Variants in COLEC12 observed in about 807,000 individuals in gnomAD.
COLEC12 encodes the protein collectin subfamily member 12.
Under a neutral mutation model 71.1 loss-of-function variants are expected in COLEC12, and 33 were observed. That is an observed-to-expected ratio of 0.46 (90% CI 0.35 to 0.62). The LOEUF (loss-of-function observed/expected upper bound fraction) is 0.62. Ranked by LOEUF, COLEC12 falls within the 20% of genes least tolerant of loss-of-function variation. COLEC12 has a pLI of 0.00. For missense variants in COLEC12, 765 were observed against 916.1 expected (o/e 0.84, Z 2.13); for synonymous variants, 350 against 353.0 (o/e 0.99, Z 0.10).
At chr18:419,201 CTATTCT>C (rs1379733621) in intron 2 of COLEC12, among the ~76,000 whole-genome samples, 3 of 129,444 alleles carry the variant, frequency 2.3e-5, no homozygotes, top group Non-Finnish European at 1.7e-5. Context: ...CTATTCTATT[CTATTCT>C]ATTCTAATTT....
At chr18:465,228 G>C (rs567494878) in intron 2 of COLEC12, among the ~76,000 whole-genome samples, 1 of 152,032 alleles carries the variant, frequency 6.6e-6, no homozygotes, top group African/African-American at 2.4e-5. Flanking sequence ...CCAGCCTCCC[G>C]AGTAGCTGGG....
At chr18:467,499 AAT>A (rs895681947) in intron 2 of COLEC12, among the ~76,000 whole-genome samples, 5 of 152,244 alleles carry the variant, frequency 3.3e-5, no homozygotes, top group Admixed American at 2.6e-4. Context: ...TTTTTTGTCC[AAT>A]ATGTTTTTCA....
intron 2 of COLEC12, among the ~76,000 whole-genome samples, chr18:425,488 C>T (rs367560137): frequency 2.0e-4 from 30 of 152,300 alleles, no homozygotes; most frequent in African/African-American, 6.7e-4. Context: ...GCTTTTCCTT[C>T]CCAATTCCTG....
chr18:438,133 A>T (rs545527458), intron 2 of COLEC12, among the ~76,000 whole-genome samples: 1 of 152,352 alleles, frequency 6.6e-6, no homozygotes, highest in South Asian at 2.1e-4. Context: ...AAATGTAAAA[A>T]AGGAATTAAT....
intron 2 of COLEC12, among the ~76,000 whole-genome samples, chr18:463,135 C>T (rs1243811175): frequency 6.6e-6 from 1 of 152,146 alleles, no homozygotes; most frequent in Non-Finnish European, 1.5e-5. Context: ...AGGCTTCGTA[C>T]CCAGAAAAAG....
At chr18:487,818 C>A (rs544864311) in intron 1 of COLEC12, among the ~76,000 whole-genome samples, 1 of 152,268 alleles carries the variant, frequency 6.6e-6, no homozygotes, top group African/African-American at 2.4e-5. Flanking sequence ...AACAGCCCAA[C>A]CAGGTAAACT....
chr18:422,217 G>A (rs1308569928), intron 2 of COLEC12, among the ~76,000 whole-genome samples: 1 of 152,170 alleles, frequency 6.6e-6, no homozygotes, highest in Non-Finnish European at 1.5e-5. Flanking sequence ...TTGCCAGACA[G>A]GTATCTAACT....
chr18:340,615 G>T (rs2143455380), intron 5 of COLEC12, among the ~76,000 whole-genome samples: 2 of 152,272 alleles, frequency 1.3e-5, no homozygotes, highest in South Asian at 4.1e-4. Context: ...AAAAGGAAGA[G>T]AAACCACTTT....
At chr18:413,583 G>A (rs767941815) in intron 2 of COLEC12, among the ~76,000 whole-genome samples, 7 of 152,268 alleles carry the variant, frequency 4.6e-5, no homozygotes, top group South Asian at 2.1e-4. Context: ...CAGCACTTTC[G>A]GAGGCCAAGG....
rs571424372 is a variant in COLEC12, at chr18:490,951, G to A, written c.7+9557C>T. Among the ~76,000 whole-genome samples the A allele has an allele frequency of 5.9e-5, 9 of 152,346 alleles. No individual in the cohort carries two copies. The South Asian group carries it at 1.9e-3, about 32-fold the overall frequency. ...CCCATTGGTTGCTCTATCGTGTTTA[G>A]ACCAGGGTCCATTCCCAGCTCTTGT... is the stretch of plus-strand genomic sequence containing the variant. On this transcript the variant is annotated intron_variant, in intron 1 of 9. Transcript: ENST00000400256.
intron 2 of COLEC12, among the ~76,000 whole-genome samples, chr18:384,201 G>T (rs955480927): frequency 6.6e-6 from 1 of 152,112 alleles, no homozygotes; most frequent in Non-Finnish European, 1.5e-5. Context: ...TTCCAGGTCT[G>T]TTATATCAGG....
intron 5 of COLEC12, among the ~76,000 whole-genome samples, chr18:341,659 T>C (rs79985646): frequency 1.9e-3 from 290 of 152,352 alleles, no homozygotes; most frequent in Non-Finnish European, 3.3e-3. Flanking sequence ...TTGAAGGAAG[T>C]GACCTTATTT....
At chr18:382,494 G>A (rs948833005) in intron 2 of COLEC12, among the ~76,000 whole-genome samples, 12 of 152,060 alleles carry the variant, frequency 7.9e-5, no homozygotes, top group African/African-American at 1.7e-4. Flanking sequence ...GATTGAAAAC[G>A]ACTTTGAAAG....
chr18:445,286 T>A (rs1916624437), intron 2 of COLEC12, among the ~76,000 whole-genome samples: 1 of 152,190 alleles, frequency 6.6e-6, no homozygotes, highest in Non-Finnish European at 1.5e-5. Context: ...TATCCATCTC[T>A]CCTAGGTTAC....
intron 1 of COLEC12, among the ~76,000 whole-genome samples, chr18:482,317 T>C (rs924948276): frequency 1.3e-5 from 2 of 152,060 alleles, no homozygotes; most frequent in Non-Finnish European, 2.9e-5. Context: ...TTTCACCATA[T>C]TGGTCAGGCT....
At chr18:449,800 G>T (rs921600011) in intron 2 of COLEC12, among the ~76,000 whole-genome samples, 2 of 152,198 alleles carry the variant, frequency 1.3e-5, no homozygotes, top group African/African-American at 4.8e-5. Flanking sequence ...CTGCTCCCGG[G>T]CACCCATGTA....
intron 2 of COLEC12, among the ~76,000 whole-genome samples, chr18:421,474 T>A (rs572268438): frequency 7.9e-5 from 12 of 152,216 alleles, no homozygotes; most frequent in African/African-American, 2.6e-4. Context: ...TGTTTTCTGC[T>A]TGTAGGCTGA....
chr18:434,893 C>T (rs1287663009), intron 2 of COLEC12, among the ~76,000 whole-genome samples: 1 of 152,152 alleles, frequency 6.6e-6, no homozygotes, highest in Non-Finnish European at 1.5e-5. Flanking sequence ...GCCACATATC[C>T]TTCCATTGAA....
At chr18:452,112 A>G (rs556912127) in intron 2 of COLEC12, among the ~76,000 whole-genome samples, 1 of 152,226 alleles carries the variant, frequency 6.6e-6, no homozygotes. Flanking sequence ...TGCGTGATCT[A>G]GTGTTAAGCA....
Sources: allele counts gnomAD v4.1 joint callset (sites outside exome capture counted in the v4.1 genomes callset), GRCh38; gene constraint gnomAD v4.1.1; transcripts MANE v1.5; gene names NCBI Gene and HGNC (gene_info 2026-07-23, HGNC 2026-07-21).